The following DNAJC11 variants were observed in gnomAD, a reference collection of about 807,000 sequenced individuals.
The protein encoded by DNAJC11 is dnaJ homolog subfamily C member 11.
In DNAJC11, 15 loss-of-function variants were observed where a neutral mutation model predicts 78.6. The observed-to-expected ratio is 0.19, with a 90% CI of 0.13 to 0.29. The LOEUF is 0.29. Among genes scored for constraint, DNAJC11 ranks in the 10% least tolerant of loss-of-function variants. DNAJC11 has a pLI of 1.00. For missense variants in DNAJC11, 547 were observed against 709.6 expected (o/e 0.77, Z 2.60); for synonymous variants, 292 against 272.1 (o/e 1.07, Z -0.72).
At position 6,676,241 on chromosome 1, in the gene DNAJC11, G is replaced by C. The variant is rs1387708574; in HGVS notation, c.276+2153C>G. 2.6e-5 allele frequency among the ~76,000 whole-genome samples: 4 copies of C among 152,124 alleles called. No homozygotes were observed. The South Asian group carries it at 8.3e-4, about 32-fold the overall frequency. On this transcript the variant is annotated intron_variant, in intron 3 of 15. Coordinates refer to ENST00000377577, the MANE Select transcript of DNAJC11 (RefSeq NM_018198.4). ...GGACTGGGACAAATTGGACAGCCCA[G>C]CCCCATCTGAAGGGCAAGGGCTCCT...
At chr1:6,636,818 C>T (rs377677963) in intron 14 of DNAJC11, among the ~76,000 whole-genome samples, 3 of 152,290 alleles carry the variant, frequency 2.0e-5, no homozygotes, top group East Asian at 3.9e-4. Context: ...CCAGGCTGTC[C>T]TTGTCAGACT....
At chr1:6,667,907 C>A in intron 3 of DNAJC11, 97 bp from the exon 4 acceptor site, 1 of 1,142,890 alleles carries the variant, frequency 8.7e-7, no homozygotes, top group South Asian at 1.3e-5. Context: ...TGTGTGCATG[C>A]TGCCTGGGGT....
chr1:6,680,766 C>G lies in DNAJC11; in HGVS notation c.202+142G>C, dbSNP rs1352217033. 4.2e-6 allele frequency: 4 copies of G among 952,560 alleles called. No individual in the cohort carries two copies. The Admixed American group carries it at 7.9e-5, about 19-fold the overall frequency. 59.0% of individuals were successfully genotyped at this position (952,560 alleles called of 1,614,324 possible). A position where few individuals can be genotyped will look rare whatever the true frequency, so the allele number is the denominator to read the frequency against. On this transcript the variant is annotated intron_variant, in intron 2 of 15. Transcript: ENST00000377577. The surrounding 1 kb of genome is among the most constrained non-coding windows in gnomAD (Gnocchi z 4.0). ...GCAAAATACTATTCTTTCAAAGGACCCTGTCAGTGAAAAGTACTAAACTAA... is the reference window on the plus strand; with the variant it reads ...GCAAAATACTATTCTTTCAAAGGACGCTGTCAGTGAAAAGTACTAAACTAA...
At chr1:6,649,212 C>G (rs561620251) in intron 7 of DNAJC11, among the ~76,000 whole-genome samples, 4 of 152,054 alleles carry the variant, frequency 2.6e-5, no homozygotes, top group African/African-American at 9.6e-5. Flanking sequence ...CAGAGTCGCC[C>G]AGGCTGGAGT....
Position 6,645,329 on chromosome 1 carries a change from T to C in DNAJC11, c.895-203A>G, listed in dbSNP as rs900540221. On this transcript the variant is annotated intron_variant, in intron 8 of 15. Coordinates refer to ENST00000377577, the MANE Select transcript of DNAJC11 (RefSeq NM_018198.4). The surrounding 1 kb of genome is among the most constrained non-coding windows in gnomAD (Gnocchi z 4.1). ...GTGGGAGACTTCACTGAAAACCCAGTTTTCTAGCTTCTCACAAGAAATAAA... is the reference window on the plus strand; with the variant it reads ...GTGGGAGACTTCACTGAAAACCCAGCTTTCTAGCTTCTCACAAGAAATAAA... 1.3e-5 allele frequency among the ~76,000 whole-genome samples: 2 copies of C among 152,176 alleles called. No homozygotes were observed. The highest frequency in any genetic ancestry group is 4.8e-5 in the African/African-American group (2 of 41,452).
chr1:6,695,110 C>A (rs926009802), intron 1 of DNAJC11, among the ~76,000 whole-genome samples: 1 of 149,930 alleles, frequency 6.7e-6, no homozygotes, highest in East Asian at 2.0e-4. Context: ...TGTGCCACTG[C>A]GCTCCAGCCT....
At chr1:6,658,414 G>A (rs1642162666) in intron 4 of DNAJC11, among the ~76,000 whole-genome samples, 1 of 152,196 alleles carries the variant, frequency 6.6e-6, no homozygotes, top group Non-Finnish European at 1.5e-5. Context: ...TCACCGCAAT[G>A]TATATAGTGA....
intron 1 of DNAJC11, among the ~76,000 whole-genome samples, chr1:6,696,546 C>A (rs1435828726): frequency 6.6e-6 from 1 of 152,210 alleles, no homozygotes; most frequent in Non-Finnish European, 1.5e-5. Context: ...GGGCCTCACT[C>A]TGTGGCTGTA....
intron 3 of DNAJC11, among the ~76,000 whole-genome samples, chr1:6,670,160 A>G (rs1447952326): frequency 6.6e-6 from 1 of 151,870 alleles, no homozygotes; most frequent in Non-Finnish European, 1.5e-5. Context: ...GGGTTTCACC[A>G]TGTTAGCCAG....
intron 1 of DNAJC11, among the ~76,000 whole-genome samples, chr1:6,682,653 C>T (rs550651796): frequency 2.0e-5 from 3 of 152,282 alleles, no homozygotes; most frequent in East Asian, 1.9e-4. Context: ...CAAGGCTGGA[C>T]GCAATGGTTG....
intron 1 of DNAJC11, among the ~76,000 whole-genome samples, chr1:6,689,473 G>A (rs993676711): frequency 3.3e-5 from 5 of 152,194 alleles, no homozygotes; most frequent in African/African-American, 1.2e-4. Context: ...GTGATGTCCA[G>A]AAGGCAGATA....
At chr1:6,671,289 C>T (rs1642375838) in intron 3 of DNAJC11, among the ~76,000 whole-genome samples, 1 of 152,228 alleles carries the variant, frequency 6.6e-6, no homozygotes, top group South Asian at 2.1e-4. Context: ...GTTGCCCAGG[C>T]TGGAGTGTAG....
In DNAJC11 at chr1:6,656,731, CAA is replaced by C. The variant is rs33945459; in HGVS notation, c.379-2694_379-2693del. On this transcript the variant is annotated intron_variant, in intron 4 of 15. Coordinates refer to ENST00000377577, the MANE Select transcript of DNAJC11 (RefSeq NM_018198.4). Reference sequence around the variant, plus strand: ...CTGTCTCCACAAAAAAAACTAAAACCAAAAAAAAAAAAAAAAAGTTTAGCTGG... The same window carrying C: ...CTGTCTCCACAAAAAAAACTAAAACCAAAAAAAAAAAAAAAGTTTAGCTGG... 3.5e-3 allele frequency among the ~76,000 whole-genome samples: 435 copies of C among 123,260 alleles called. 1 individual carries two copies. The highest frequency in any genetic ancestry group is 8.2e-3 in the Middle Eastern group (2 of 244). 80.9% of individuals were successfully genotyped at this position (123,260 alleles called of 152,430 possible).
chr1:6,639,916 C>T lies in DNAJC11; in HGVS notation c.1239G>A (p.Arg413=), dbSNP rs1557465059. Residue 413 remains arginine (R), a synonymous_variant, in exon 11 of 16, where the codon AGG becomes AGA. Coordinates refer to ENST00000377577, the MANE Select transcript of DNAJC11 (RefSeq NM_018198.4). ...TGTCAACTCACTTCTCTTTCTGAGCCCTGAGGTATGGTTTGATGATCAGAC... is the reference window on the plus strand; with the variant it reads ...TGTCAACTCACTTCTCTTTCTGAGCTCTGAGGTATGGTTTGATGATCAGAC... The part of the protein sequence containing the change: ...MHRLIIKPYL[R]AQKEKELEKQ... 1 of 1,612,890 alleles carries T rather than the reference C, an allele frequency of 6.2e-7. No individual in the cohort carries two copies. The highest frequency in any genetic ancestry group is 2.2e-5 in the East Asian group (1 of 44,870).
chr1:6,674,049 TTACCA>T (rs1642422745), intron 3 of DNAJC11, among the ~76,000 whole-genome samples: 1 of 152,184 alleles, frequency 6.6e-6, no homozygotes, highest in African/African-American at 2.4e-5. Context: ...TTGCCAGCCA[TTACCA>T]GAATCAACCC....
chr1:6,643,126 G>A (rs1439329663), intron 10 of DNAJC11, among the ~76,000 whole-genome samples: 1 of 152,080 alleles, frequency 6.6e-6, no homozygotes, highest in African/African-American at 2.4e-5. Context: ...CAAATGAGAT[G>A]AAGAAGAATC....
At chr1:6,695,486 C>T (rs1187071432) in intron 1 of DNAJC11, among the ~76,000 whole-genome samples, 3 of 151,888 alleles carry the variant, frequency 2.0e-5, no homozygotes, top group African/African-American at 4.8e-5. Flanking sequence ...CTGTTACCTA[C>T]ATTCTAACAT....
At chr1:6,639,382 T>C (rs1048122948) in intron 11 of DNAJC11, among the ~76,000 whole-genome samples, 1 of 148,948 alleles carries the variant, frequency 6.7e-6, no homozygotes, top group Non-Finnish European at 1.5e-5. Flanking sequence ...CAGGCTGGAG[T>C]GCAATGGCGC....
chr1:6,634,776 C>T lies in DNAJC11; in HGVS notation c.*899G>A. On this transcript the variant is annotated 3_prime_UTR_variant, in exon 16 of 16. Transcript: ENST00000377577. ...CTGGACCTGCAGGAGCGGGGAGCTG[C>T]AGTGCCACCTGCTGGGTACCACGGG... 1 of 1,323,056 alleles carries T rather than the reference C, an allele frequency of 7.6e-7. No homozygotes were observed. The highest frequency in any genetic ancestry group is 1.2e-5 in the South Asian group (1 of 82,808). The allele number at this position is 1,323,056 out of a possible 1,614,324, so 82.0% of individuals were successfully genotyped here.
Sources: gnomAD v4.1 joint callset for allele counts (sites outside exome capture counted in the v4.1 genomes callset) on GRCh38, gnomAD v4.1.1 for gene constraint, Gnocchi (gnomAD v3.1) non-coding constraint, MANE v1.5 for transcripts, NCBI Gene and HGNC (gene_info 2026-07-23, HGNC 2026-07-21) for gene names.